The following NR5A2 variants were observed in gnomAD, a reference collection of about 807,000 sequenced individuals.
NR5A2 encodes the protein nuclear receptor subfamily 5 group A member 2, also known as CYP7A promoter-binding factor.
NR5A2 carries 26 observed loss-of-function variants against 62.7 expected under a neutral mutation model. That is an observed-to-expected ratio of 0.41 (90% CI 0.30 to 0.58). The LOEUF is 0.58. Among genes scored for constraint, NR5A2 ranks in the 20% least tolerant of loss-of-function variants. The pLI is 0.22. For synonymous variants in NR5A2, 246 were observed against 241.7 expected (o/e 1.02, Z -0.16); for missense variants, 541 against 669.1 (o/e 0.81, Z 2.11).
chr1:200,120,700 T>C, intron 6 of NR5A2, 108 bp from the exon 7 acceptor site: 1 of 1,182,688 alleles, frequency 8.5e-7, no homozygotes, highest in South Asian at 1.8e-5. Context: ...CTCTATTCTA[T>C]TTTAAAAACC....
chr1:200,039,921 G>C lies in NR5A2; in HGVS notation c.202+126G>C. ...CCCCGCTGGGCGCTCGCAGCCGCGGGAGTCAAGCCCCCTCCCCAGGTGCAG... is the reference window on the plus strand; with the variant it reads ...CCCCGCTGGGCGCTCGCAGCCGCGGCAGTCAAGCCCCCTCCCCAGGTGCAG... On this transcript the variant is annotated intron_variant, in intron 2 of 7. Transcript: ENST00000367362. The surrounding 1 kb of genome is among the most constrained non-coding windows in gnomAD (Gnocchi z 5.1). 1.9e-6 allele frequency: 2 copies of C among 1,061,932 alleles called. No individual in the cohort carries two copies. The allele number at this position is 1,061,932 out of a possible 1,614,324, so 65.8% of individuals were successfully genotyped here.
At chr1:200,094,146 G>A (rs1313629971) in intron 5 of NR5A2, among the ~76,000 whole-genome samples, 1 of 151,462 alleles carries the variant, frequency 6.6e-6, no homozygotes, top group Non-Finnish European at 1.5e-5. Context: ...TCCAGCCTGG[G>A]CAACAGAGTG....
intron 5 of NR5A2, among the ~76,000 whole-genome samples, chr1:200,094,113 G>A (rs909998047): frequency 6.6e-6 from 1 of 151,808 alleles, no homozygotes; most frequent in Non-Finnish European, 1.5e-5. Flanking sequence ...AGGTTGCAGT[G>A]AACCAAGATC....
At position 200,048,714 on chromosome 1, in the gene NR5A2, C is replaced by A. The variant is rs777870204; in HGVS notation, c.1006C>A (p.His336Asn). 1 of 1,614,174 alleles carries A rather than the reference C, an allele frequency of 6.2e-7. No homozygotes were observed. The highest frequency in any genetic ancestry group is 1.7e-5 in the Admixed American group (1 of 60,028). ...LQQEQANRSK[H>N]EKLSTFGLMC... ...GCAAGAGCAGGCTAACCGAAGCAAG[C>A]ACGAAAAGCTGAGCACCTTTGGGCT... is the stretch of plus-strand genomic sequence containing the variant. The change falls in exon 5 of 8, where the codon CAC becomes AAC. Residue 336 changes from histidine to asparagine, a missense_variant. Coordinates refer to ENST00000367362, the MANE Select transcript of NR5A2 (RefSeq NM_205860.3). This position sits in a 1 kb window ranked among gnomAD's most constrained non-coding sequence, Gnocchi z 4.8.
intron 5 of NR5A2, among the ~76,000 whole-genome samples, chr1:200,079,405 C>A (rs143282221): frequency 6.6e-6 from 1 of 152,098 alleles, no homozygotes; most frequent in Non-Finnish European, 1.5e-5. Context: ...TACACTCTGT[C>A]GGAAGATGAA....
intron 5 of NR5A2, among the ~76,000 whole-genome samples, chr1:200,079,647 T>C (rs975126048): frequency 3.3e-5 from 5 of 152,234 alleles, no homozygotes; most frequent in African/African-American, 9.6e-5. Context: ...CAATTGGTTA[T>C]GGCGTGTGAG....
intron 5 of NR5A2, among the ~76,000 whole-genome samples, chr1:200,072,379 T>G (rs746665922): frequency 6.6e-6 from 1 of 152,230 alleles, no homozygotes; most frequent in Non-Finnish European, 1.5e-5. Flanking sequence ...ATAATAGCAA[T>G]TTTGCTTCAG....
chr1:200,080,693 C>A (rs187402534), intron 5 of NR5A2, among the ~76,000 whole-genome samples: 21 of 152,334 alleles, frequency 1.4e-4, no homozygotes, highest in Admixed American at 1.2e-3. Flanking sequence ...AAAACAAATT[C>A]TTCACCTGGA....
At chr1:200,090,751 AG>A (rs1664776108) in intron 5 of NR5A2, among the ~76,000 whole-genome samples, 1 of 152,184 alleles carries the variant, frequency 6.6e-6, no homozygotes, top group African/African-American at 2.4e-5. Flanking sequence ...TCCTGGAGGT[AG>A]GGGGCATCAG....
intron 1 of NR5A2, among the ~76,000 whole-genome samples, chr1:200,036,583 T>C (rs896516448): frequency 1.3e-5 from 2 of 152,000 alleles, no homozygotes; most frequent in African/African-American, 4.8e-5. Flanking sequence ...CTGAGGAAGG[T>C]TTGTGTGCCC....
At chr1:200,038,719 C>T (rs377480855) in intron 1 of NR5A2, 40 of 1,366,140 alleles carry the variant, frequency 2.9e-5, no homozygotes, top group Non-Finnish European at 3.9e-5. Context: ...AATTGCCGCT[C>T]TGGCTGCTTC....
chr1:200,127,302 T>G (rs1224684669), intron 7 of NR5A2, among the ~76,000 whole-genome samples: 1 of 152,136 alleles, frequency 6.6e-6, no homozygotes, highest in African/African-American at 2.4e-5. Flanking sequence ...TGGGTCCACT[T>G]CTGCTCAAAA....
chr1:200,154,359 T>C (rs1445023916), intron 7 of NR5A2, among the ~76,000 whole-genome samples: 1 of 152,244 alleles, frequency 6.6e-6, no homozygotes, highest in Non-Finnish European at 1.5e-5. Flanking sequence ...CTTAACTGCC[T>C]CTAGACCAAA....
At chr1:200,087,702 C>T (rs1355569593) in intron 5 of NR5A2, among the ~76,000 whole-genome samples, 2 of 151,308 alleles carry the variant, frequency 1.3e-5, no homozygotes, top group Non-Finnish European at 3.0e-5. Context: ...GCTTTATTTC[C>T]CTTTTATCTG....
chr1:200,067,232 CAG>C (rs1302758586), intron 5 of NR5A2, among the ~76,000 whole-genome samples: 2 of 151,952 alleles, frequency 1.3e-5, no homozygotes, highest in African/African-American at 4.8e-5. Context: ...AACACAGGAA[CAG>C]AAAACCAAAT....
intron 7 of NR5A2, among the ~76,000 whole-genome samples, chr1:200,137,705 A>T (rs554391765): frequency 6.6e-6 from 1 of 152,336 alleles, no homozygotes; most frequent in East Asian, 1.9e-4. Flanking sequence ...AAGAATACCA[A>T]AATAAAAGTG....
chr1:200,144,219 TCTCTCTCTCTCTCTCACACACA>T (rs1168839849), intron 7 of NR5A2, among the ~76,000 whole-genome samples: 4 of 9,540 alleles, frequency 4.2e-4, no homozygotes, highest in African/African-American at 7.5e-4. Flanking sequence ...ACTGTTTCTC[TCTCTCTCTCTCTCTCACACACA>T]CACACACACA....
chr1:200,073,236 A>ATATATATATATATATATATTCCCCTT (rs1663823262), intron 5 of NR5A2, among the ~76,000 whole-genome samples: 1 of 23,478 alleles, frequency 4.3e-5, no homozygotes, highest in African/African-American at 4.2e-4. Context: ...ATTTACATAC[A>ATATATATATATATATATATTCCCCTT]TATATATATA....
At chr1:200,109,825 C>T (rs1665857073) in intron 5 of NR5A2, among the ~76,000 whole-genome samples, 1 of 152,178 alleles carries the variant, frequency 6.6e-6, no homozygotes, top group South Asian at 2.1e-4. Flanking sequence ...AGTGCAGTGG[C>T]ATGATCTCTG....
Sources: allele counts gnomAD v4.1 joint callset (sites outside exome capture counted in the v4.1 genomes callset), GRCh38; gene constraint gnomAD v4.1.1; non-coding constraint Gnocchi (gnomAD v3.1); transcripts MANE v1.5; gene names NCBI Gene and HGNC (gene_info 2026-07-23, HGNC 2026-07-21).